MYO7A: variants seen among roughly 807,000 people sequenced by gnomAD.
The protein encoded by MYO7A is unconventional myosin-VIIa.
MYO7A carries 210 observed loss-of-function variants against 263.8 expected under a neutral mutation model. The ratio of observed to expected loss-of-function variants is 0.80; its 90% CI spans 0.71 to 0.89. MYO7A has a LOEUF of 0.89. MYO7A is among the 40% of genes least tolerant of loss of function. The probability of loss-of-function intolerance (pLI) is 0.00; values close to 1 mark genes in which losing one functional copy is unlikely to be tolerated. For synonymous variants in MYO7A, 1,239 were observed against 1,197.3 expected, an observed-to-expected ratio of 1.03 and a Z score of -0.72; for missense variants, 2,820 against 2,968.3, an observed-to-expected ratio of 0.95 and a Z score of 1.16.
intron 31 of MYO7A, 163 bp from the exon 32 acceptor site, chr11:77,194,191 C>A (rs1188777801): frequency 2.3e-6 from 2 of 870,802 alleles, no homozygotes; most frequent in Non-Finnish European, 1.9e-6. Context: ...TCTGAGCAGA[C>A]AAGAATTCCC....
chr11:77,177,489 C>A, intron 18 of MYO7A, 60 bp from the exon 19 acceptor site: 1 of 1,327,748 alleles, frequency 7.5e-7, no homozygotes, highest in African/African-American at 1.5e-5. Flanking sequence ...CCCACTGGGA[C>A]TGAGCAGGTG....
intron 3 of MYO7A, among the ~76,000 whole-genome samples, chr11:77,146,105 G>A (rs573188493): frequency 3.8e-4 from 58 of 152,328 alleles, no homozygotes; most frequent in African/African-American, 1.3e-3. Context: ...TGTCAGGGGA[G>A]GCTTCAGAAA....
At chr11:77,160,334 G>T in intron 11 of MYO7A, 52 bp downstream of exon 11, 2 of 1,529,010 alleles carry the variant, frequency 1.3e-6, no homozygotes. Flanking sequence ...GGGAAGTTGG[G>T]CTCTTGATGG....
At chr11:77,141,387 A>G (rs1951200253) in intron 2 of MYO7A, among the ~76,000 whole-genome samples, 1 of 152,228 alleles carries the variant, frequency 6.6e-6, no homozygotes, top group South Asian at 2.1e-4. Context: ...CTCCTAGCCC[A>G]GAACAGATTC....
At chr11:77,132,467 TTTTG>T (rs113813737) in intron 2 of MYO7A, among the ~76,000 whole-genome samples, 68 of 151,158 alleles carry the variant, frequency 4.5e-4, no homozygotes, top group Middle Eastern at 3.4e-3. Context: ...AAAACAGGGG[TTTTG>T]TTTGTTTGTT....
At position 77,197,594 on chromosome 11, in the gene MYO7A, C is replaced by T. The variant is rs377762390; in HGVS notation, c.4437C>T (p.Phe1479=). ...LFSRFYEAYK[F]SGPSLPKNDV... ...CCAGGTTTTATGAAGCCTACAAATTCTCAGGTACCCCGCAGCCTGCAATGC... is the reference window on the plus strand; with the variant it reads ...CCAGGTTTTATGAAGCCTACAAATTTTCAGGTACCCCGCAGCCTGCAATGC... Residue 1479 remains phenylalanine, a synonymous_variant, in exon 33 of 49, where the codon TTC becomes TTT. Transcript: ENST00000409709. 6.4e-7 allele frequency: 1 copy of T among 1,574,510 alleles called. No homozygotes were observed. The highest frequency in any genetic ancestry group is 8.6e-7 in the Non-Finnish European group (1 of 1,156,216).
intron 4 of MYO7A, among the ~76,000 whole-genome samples, chr11:77,155,191 A>G (rs1555060464): frequency 6.6e-6 from 1 of 152,214 alleles, no homozygotes; most frequent in Non-Finnish European, 1.5e-5. Context: ...CAGGACCTCA[A>G]GGCCACAACA....
intron 24 of MYO7A, 109 bp from the exon 25 acceptor site, chr11:77,182,315 G>T: frequency 6.9e-7 from 1 of 1,449,168 alleles, no homozygotes; most frequent in South Asian, 1.4e-5. Flanking sequence ...CCTGAGGGCT[G>T]ACCATGCGGG....
Position 77,162,245 on chromosome 11 carries a change from C to G in MYO7A, c.1469C>G (p.Thr490Ser). 1.3e-6 allele frequency: 2 copies of G among 1,564,176 alleles called. No homozygotes were observed. Among genetic ancestry groups the G allele is most frequent in the Non-Finnish European group, 1.7e-6 (2 of 1,153,592 alleles). ...ATTGACTGGCTGCACATCGAGTTCACTGACAACCAGGATGCCCTGGACATG... is the reference window on the plus strand; with the variant it reads ...ATTGACTGGCTGCACATCGAGTTCAGTGACAACCAGGATGCCCTGGACATG... ...ESIDWLHIEF[T>S]DNQDALDMIA... is the part of the protein sequence containing the mutation. The change falls in exon 13 of 49, where the codon ACT (threonine) becomes AGT (serine). Residue 490 changes from threonine to serine, a missense_variant. Coordinates refer to ENST00000409709, the MANE Select transcript of MYO7A (RefSeq NM_000260.4).
rs777229536 is a variant in MYO7A, at chr11:77,199,615, C to T, written c.4649C>T (p.Pro1550Leu). Residue 1550 changes from proline (P) to leucine (L), a missense_variant, in exon 35 of 49, where the codon CCG becomes CTG. Pro to Leu is a moderately conservative substitution (Grantham distance 98, BLOSUM62 -3). Coordinates refer to ENST00000409709, the MANE Select transcript of MYO7A (RefSeq NM_000260.4). ...CACTCAGGCTGGGCAGGACTGACCC[C>T]GGCGGGGCCCTGTTCTCCGTGTTGG... ...APHSGWAGLT[P>L]AGPCSPCWSC... 1.6e-5 allele frequency: 26 copies of T among 1,603,352 alleles called. No homozygotes were observed. The South Asian group carries it at 2.1e-4, about 13-fold the overall frequency.
intron 4 of MYO7A, among the ~76,000 whole-genome samples, chr11:77,150,368 G>A (rs1951878574): frequency 6.6e-6 from 1 of 152,172 alleles, no homozygotes; most frequent in South Asian, 2.1e-4. Flanking sequence ...AAGGGAGAGG[G>A]AGGAAAAAAC....
In MYO7A at chr11:77,211,226, C is replaced by T. The variant is rs1957844295; in HGVS notation, c.6126C>T (p.Tyr2042=). ...TGCTGCAGCTGGGGGCGCTGATCTA[C>T]AGGGTCAAGTTCGAGGAGGACAAGT... The part of the protein sequence containing the change: ...EEVLQLGALI[Y]RVKFEEDKSY... The change falls in exon 45 of 49, where the codon TAC becomes TAT. Residue 2042 remains tyrosine, a synonymous_variant. Coordinates refer to ENST00000409709, the MANE Select transcript of MYO7A (RefSeq NM_000260.4). The T allele has an allele frequency of 1.9e-6, 3 of 1,590,632 alleles. No individual in the cohort carries two copies. The highest frequency in any genetic ancestry group is 1.7e-4 in the Middle Eastern group (1 of 6,030).
Position 77,206,211 on chromosome 11 carries a change from C to A in MYO7A, c.5742+9C>A. On this transcript the variant is annotated intron_variant, in intron 41 of 48. Transcript: ENST00000409709. ...CTGATGACACTGACGAGGTGAGGGT[C>A]ACCGGCTTCTAGGTCTGCAGTGCCC... 2 of 1,603,394 alleles carry A rather than the reference C, an allele frequency of 1.2e-6. No homozygotes were observed. Among genetic ancestry groups the A allele is most frequent in the Non-Finnish European group, 1.7e-6 (2 of 1,173,144 alleles).
chr11:77,181,703 G>A, intron 23 of MYO7A, 114 bp downstream of exon 23: 2 of 1,043,996 alleles, frequency 1.9e-6, no homozygotes, highest in Non-Finnish European at 2.8e-6. Flanking sequence ...ACAGTGGGGA[G>A]CAGAGATGAA....
chr11:77,201,591 A>C lies in MYO7A; in HGVS notation c.4996A>C (p.Ser1666Arg). 1 of 1,613,568 alleles carries C rather than the reference A, an allele frequency of 6.2e-7. No homozygotes were observed. Among genetic ancestry groups the C allele is most frequent in the Non-Finnish European group, 8.5e-7 (1 of 1,179,764 alleles). The change falls in exon 36 of 49, where the codon AGT becomes CGT. Residue 1666 changes from serine to arginine, a missense_variant. Physicochemically the swap from Ser to Arg is moderately radical, Grantham distance 110. Transcript: ENST00000409709. Reference sequence around the variant, plus strand: ...GCAGCGTGGGGACTTCCCCACCGACAGTGTGTACGTCATGCCCACTGTCAC... The same window carrying C: ...GCAGCGTGGGGACTTCCCCACCGACCGTGTGTACGTCATGCCCACTGTCAC... ...TKQRGDFPTDSVYVMPTVTMP... is the reference protein window; with the variant it reads ...TKQRGDFPTDRVYVMPTVTMP...
chr11:77,207,501 G>C, intron 42 of MYO7A, 99 bp downstream of exon 42: 2 of 913,606 alleles, frequency 2.2e-6, no homozygotes, highest in East Asian at 2.6e-5. Context: ...GGAGAGAGGG[G>C]AAGAGGGCAC....
intron 2 of MYO7A, among the ~76,000 whole-genome samples, chr11:77,132,642 C>A (rs1950799186): frequency 6.6e-6 from 1 of 152,130 alleles, no homozygotes; most frequent in Non-Finnish European, 1.5e-5. Flanking sequence ...GCACCCGTCA[C>A]CACGTCCAAC....
chr11:77,203,527 C>G (rs1264629922), intron 38 of MYO7A, among the ~76,000 whole-genome samples: 2 of 152,166 alleles, frequency 1.3e-5, no homozygotes, highest in Non-Finnish European at 2.9e-5. Flanking sequence ...TGAGATGGGA[C>G]CCGGCAGCAC....
intron 3 of MYO7A, among the ~76,000 whole-genome samples, chr11:77,144,988 T>G (rs1275834697): frequency 6.6e-6 from 1 of 152,212 alleles, no homozygotes; most frequent in Non-Finnish European, 1.5e-5. Context: ...AGGCCTCAGC[T>G]ACTGCCCTGG....
Sources: gnomAD v4.1 joint callset for allele counts (sites outside exome capture counted in the v4.1 genomes callset) on GRCh38, gnomAD v4.1.1 for gene constraint, MANE v1.5 for transcripts, NCBI Gene and HGNC (gene_info 2026-07-23, HGNC 2026-07-21) for gene names.